The following HYCC1 variants were observed in gnomAD, a reference collection of about 807,000 sequenced individuals.
HYCC1 encodes the protein hyccin PI4KA lipid kinase complex subunit 1, also known as hyccin.
At chr7:23,008,288 C>T in the HYCC1 span, among the ~76,000 whole-genome samples, 1 of 151,976 alleles carries the variant, frequency 6.6e-6, no homozygotes, top group Non-Finnish European at 1.5e-5. Flanking sequence ...TTAAGAGTTC[C>T]ATTCCCAATA....
At chr7:22,946,264 T>G in the HYCC1 span, 1 of 868,332 alleles carries the variant, frequency 1.2e-6, no homozygotes, top group South Asian at 1.6e-5. Context: ...AAATTAAGCT[T>G]TAGCATAATT....
the HYCC1 span, among the ~76,000 whole-genome samples, chr7:22,973,170 TGCTAAGATCATTAAGAA>T: frequency 6.6e-6 from 1 of 152,222 alleles, no homozygotes; most frequent in African/African-American, 2.4e-5. Flanking sequence ...CCTGTGTTAG[TGCTAAGATCATTAAGAA>T]GCTCTTGTAC....
chr7:22,958,352 G>C, the HYCC1 span, among the ~76,000 whole-genome samples: 2 of 152,108 alleles, frequency 1.3e-5, no homozygotes, highest in Admixed American at 1.3e-4. Context: ...AAAGAAGAGT[G>C]ATAAACAAGG....
the HYCC1 span, among the ~76,000 whole-genome samples, chr7:23,004,444 T>G: frequency 6.6e-6 from 1 of 152,216 alleles, no homozygotes; most frequent in Non-Finnish European, 1.5e-5. Context: ...GGAGAGCATC[T>G]GCTTTAATTA....
chr7:22,916,460 AC>A, the HYCC1 span, among the ~76,000 whole-genome samples: 4 of 151,948 alleles, frequency 2.6e-5, no homozygotes, highest in Non-Finnish European at 5.9e-5. Flanking sequence ...ACTCATCCCA[AC>A]CTTTTTCATT....
the HYCC1 span, among the ~76,000 whole-genome samples, chr7:22,950,992 C>A: frequency 6.6e-6 from 1 of 151,594 alleles, no homozygotes. Context: ...TGTGTAACCC[C>A]CTATATGCAC....
At chr7:22,958,140 A>G in the HYCC1 span, among the ~76,000 whole-genome samples, 4 of 152,052 alleles carry the variant, frequency 2.6e-5, no homozygotes, top group African/African-American at 4.8e-5. Flanking sequence ...GCCTAGAAAA[A>G]CAATGTGTTC....
At chr7:22,939,200 T>C in the HYCC1 span, 24 of 152,334 alleles carry the variant, frequency 1.6e-4, no homozygotes, top group Admixed American at 1.3e-3. Context: ...AATACTGCAA[T>C]GAATACCTTG....
At chr7:22,927,713 A>C in the HYCC1 span, among the ~76,000 whole-genome samples, 1 of 152,232 alleles carries the variant, frequency 6.6e-6, no homozygotes, top group South Asian at 2.1e-4. Context: ...AACTAAAAAA[A>C]GTCCAGGACC....
chr7:22,946,265 T>A, the HYCC1 span: 1 of 873,536 alleles, frequency 1.1e-6, no homozygotes, highest in Non-Finnish European at 1.8e-6. Context: ...AATTAAGCTT[T>A]AGCATAATTT....
At chr7:22,987,937 C>T in the HYCC1 span, among the ~76,000 whole-genome samples, 102 of 152,030 alleles carry the variant, frequency 6.7e-4, no homozygotes, top group Non-Finnish European at 1.3e-3. Flanking sequence ...GTAACCAAAA[C>T]CTTTCTTAAA....
the HYCC1 span, chr7:22,976,898 C>T: frequency 2.6e-6 from 2 of 768,606 alleles, no homozygotes; most frequent in East Asian, 2.6e-5. Flanking sequence ...AAAATAGCTA[C>T]CACGAACATC....
the HYCC1 span, chr7:22,961,106 T>C: frequency 2.4e-5 from 15 of 622,908 alleles, no homozygotes; most frequent in African/African-American, 1.3e-4. Flanking sequence ...AAAACTTCCA[T>C]GTATAACAAG....
At chr7:22,961,491 C>A in the HYCC1 span, among the ~76,000 whole-genome samples, 2 of 152,158 alleles carry the variant, frequency 1.3e-5, no homozygotes, top group Non-Finnish European at 2.9e-5. Context: ...CTTTCAATTG[C>A]ATCTAAATGC....
chr7:22,949,835 T>C, the HYCC1 span, among the ~76,000 whole-genome samples: 1 of 152,024 alleles, frequency 6.6e-6, no homozygotes, highest in Non-Finnish European at 1.5e-5. Context: ...AATAAGATCA[T>C]GTGTTTTCCC....
the HYCC1 span, among the ~76,000 whole-genome samples, chr7:23,010,566 T>G: frequency 2.7e-4 from 41 of 152,336 alleles, no homozygotes; most frequent in African/African-American, 9.1e-4. Context: ...GAGGTGAATA[T>G]TATTTTGATT....
chr7:22,971,931 A>G, the HYCC1 span, among the ~76,000 whole-genome samples: 3 of 152,222 alleles, frequency 2.0e-5, no homozygotes, highest in African/African-American at 7.2e-5. Flanking sequence ...TGGGTTGTGA[A>G]GGATGGGCAA....
chr7:22,984,421 T>C, the HYCC1 span, among the ~76,000 whole-genome samples: 1 of 152,078 alleles, frequency 6.6e-6, no homozygotes, highest in East Asian at 1.9e-4. Context: ...TAGTTTGGGA[T>C]TAGAGATGGG....
the HYCC1 span, among the ~76,000 whole-genome samples, chr7:22,952,951 A>G: frequency 6.6e-6 from 1 of 151,956 alleles, no homozygotes; most frequent in Admixed American, 6.6e-5. Flanking sequence ...ATACAGAAAA[A>G]CAGTCTGGAA....
Sources: allele counts gnomAD v4.1 joint callset (sites outside exome capture counted in the v4.1 genomes callset), GRCh38; gene constraint gnomAD v4.1.1; transcripts MANE v1.5; gene names NCBI Gene and HGNC (gene_info 2026-07-23, HGNC 2026-07-21).